The following NLGN1 variants were observed in gnomAD, a reference collection of about 807,000 sequenced individuals.
The protein encoded by NLGN1 is neuroligin-1.
In NLGN1, 12 loss-of-function variants were observed where a neutral mutation model predicts 65.5. The ratio of observed to expected loss-of-function variants is 0.18; its 90% CI spans 0.12 to 0.30. NLGN1 has a LOEUF of 0.30. NLGN1 is among the 10% of genes least tolerant of loss of function. The pLI is 1.00. For synonymous variants in NLGN1, 350 were observed against 359.5 expected (o/e 0.97, Z 0.30); for missense variants, 750 against 1,007.1 (o/e 0.74, Z 3.46).
intron 3 of NLGN1, 62 bp from the exon 3 acceptor site, chr3:173,605,472 C>T (rs1751245767): frequency 1.2e-6 from 1 of 851,742 alleles, no homozygotes; most frequent in Non-Finnish European, 1.7e-6. Context: ...AGTGGTGTTG[C>T]ATGTTCCGGC....
chr3:174,251,306 A>T (rs1282940433), intron 4 of NLGN1, among the ~76,000 whole-genome samples: 5 of 152,212 alleles, frequency 3.3e-5, no homozygotes, highest in Non-Finnish European at 7.3e-5. Flanking sequence ...TAGGAAAAAA[A>T]GTCTAAGCCT....
chr3:173,923,381 A>G (rs896614976), intron 4 of NLGN1, among the ~76,000 whole-genome samples: 3 of 152,164 alleles, frequency 2.0e-5, no homozygotes, highest in African/African-American at 7.2e-5. Flanking sequence ...GAATGGTCAT[A>G]CATACCCCAC....
intron 3 of NLGN1, among the ~76,000 whole-genome samples, chr3:173,753,114 A>G (rs1776543324): frequency 6.6e-6 from 1 of 152,126 alleles, no homozygotes; most frequent in Non-Finnish European, 1.5e-5. Context: ...TGAACATGCT[A>G]CAGGTCTCAA....
intron 4 of NLGN1, among the ~76,000 whole-genome samples, chr3:174,227,225 G>A (rs970435173): frequency 3.9e-5 from 6 of 152,050 alleles, no homozygotes; most frequent in Admixed American, 3.9e-4. Context: ...AACATCTACG[G>A]CAACTTTAAA....
chr3:173,454,700 C>G (rs1722223734), intron 2 of NLGN1, among the ~76,000 whole-genome samples: 1 of 152,186 alleles, frequency 6.6e-6, no homozygotes, highest in South Asian at 2.1e-4. Context: ...CTGGATTAGG[C>G]TTTAGCTTGA....
chr3:174,069,974 G>A (rs536276792), intron 4 of NLGN1, among the ~76,000 whole-genome samples: 1 of 152,280 alleles, frequency 6.6e-6, no homozygotes, highest in African/African-American at 2.4e-5. Context: ...TAGTTTGATT[G>A]TAAGGATTAA....
At chr3:174,039,904 C>T (rs1731918676) in intron 4 of NLGN1, among the ~76,000 whole-genome samples, 1 of 152,104 alleles carries the variant, frequency 6.6e-6, no homozygotes, top group Non-Finnish European at 1.5e-5. Context: ...TTTCGTGTTG[C>T]AGCAGTGGTA....
At position 173,917,871 on chromosome 3, in the gene NLGN1, T is replaced by G. The variant is rs901192516; in HGVS notation, c.646+110039T>G. Among the ~76,000 whole-genome samples the G allele has an allele frequency of 1.1e-4, 11 of 98,214 alleles. No homozygotes were observed. The East Asian group carries it at 3.7e-3, about 33-fold the overall frequency. The allele number at this position is 98,214 out of a possible 152,430, so 64.4% of individuals were successfully genotyped here. ...TGTGTGTGTGTGTGTGTGTGTGTGT[T>G]GGCCTTTATCTGGATTTATTGTTGA... On this transcript the variant is annotated intron_variant, in intron 4 of 6. Coordinates refer to ENST00000457714, the Ensembl canonical transcript of NLGN1.
chr3:173,597,422 C>T (rs959486607), intron 2 of NLGN1, among the ~76,000 whole-genome samples: 9 of 152,166 alleles, frequency 5.9e-5, no homozygotes, highest in African/African-American at 2.2e-4. Flanking sequence ...GGGTGACCTA[C>T]AATAGTAGCT....
intron 2 of NLGN1, among the ~76,000 whole-genome samples, chr3:173,557,761 C>G (rs1741951894): frequency 1.3e-5 from 2 of 152,010 alleles, no homozygotes; most frequent in African/African-American, 2.4e-5. Flanking sequence ...CCCCATGATG[C>G]TTTGTTATTG....
At chr3:174,272,704 TAGATATAGATAG>T (rs1561445504) in intron 4 of NLGN1, among the ~76,000 whole-genome samples, 4 of 150,452 alleles carry the variant, frequency 2.7e-5, no homozygotes, top group Admixed American at 6.7e-5. Flanking sequence ...GATAGATAGA[TAGATATAGATAG>T]ATAGAAAGAT....
chr3:174,092,881 C>T (rs1744787320), intron 4 of NLGN1, among the ~76,000 whole-genome samples: 2 of 152,100 alleles, frequency 1.3e-5, no homozygotes, highest in African/African-American at 4.8e-5. Context: ...TCTCTGTCTC[C>T]CTTTCCCCCA....
At chr3:173,596,654 G>A (rs978359653) in intron 2 of NLGN1, among the ~76,000 whole-genome samples, 1 of 31,560 alleles carries the variant, frequency 3.2e-5, no homozygotes, top group Non-Finnish European at 7.4e-5. Context: ...GATGCTCATG[G>A]CAGAGTAAAC....
intron 2 of NLGN1, among the ~76,000 whole-genome samples, chr3:173,540,438 A>G (rs1738658398): frequency 6.6e-6 from 1 of 152,184 alleles, no homozygotes; most frequent in Non-Finnish European, 1.5e-5. Flanking sequence ...GAGGCCCACT[A>G]TGTGTTTTGC....
intron 2 of NLGN1, among the ~76,000 whole-genome samples, chr3:173,505,224 C>A (rs1731812894): frequency 6.6e-6 from 1 of 152,036 alleles, no homozygotes; most frequent in Non-Finnish European, 1.5e-5. Context: ...AATTTATGAA[C>A]ACCTCCTTGA....
At chr3:174,197,303 C>T (rs1733598916) in intron 4 of NLGN1, among the ~76,000 whole-genome samples, 2 of 151,786 alleles carry the variant, frequency 1.3e-5, no homozygotes, top group African/African-American at 4.8e-5. Context: ...CACAGAATTA[C>T]AGGAAGGCTA....
intron 4 of NLGN1, among the ~76,000 whole-genome samples, chr3:173,859,860 G>A (rs1006960765): frequency 2.0e-5 from 3 of 151,748 alleles, no homozygotes; most frequent in African/African-American, 4.8e-5. Context: ...TTAAAAGTTT[G>A]GGTATAAAGT....
chr3:174,150,315 A>G lies in NLGN1; in HGVS notation c.647-125000A>G, dbSNP rs146587909. Among the ~76,000 whole-genome samples, 927 of 152,260 alleles carry G rather than the reference A, an allele frequency of 6.1e-3. 27 individuals carry two copies. Among genetic ancestry groups the G allele is most frequent in the East Asian group, 0.033 (172 of 5,184 alleles). On this transcript the variant is annotated intron_variant, in intron 4 of 6. Coordinates refer to ENST00000457714, the Ensembl canonical transcript of NLGN1. The stretch of plus-strand genomic sequence containing the variant: ...TAATGTATTTCAGAAAAGTTGTTAC[A>G]AAACCACAAATATTTCTAGTGCAGG...
intron 4 of NLGN1, among the ~76,000 whole-genome samples, chr3:174,193,789 T>C (rs1732833959): frequency 6.6e-6 from 1 of 152,232 alleles, no homozygotes; most frequent in Non-Finnish European, 1.5e-5. Flanking sequence ...TAAGATTACA[T>C]TTTTAAGGCT....
Sources: gnomAD v4.1 joint callset for allele counts (sites outside exome capture counted in the v4.1 genomes callset) on GRCh38, gnomAD v4.1.1 for gene constraint, MANE v1.5 for transcripts, NCBI Gene and HGNC (gene_info 2026-07-23, HGNC 2026-07-21) for gene names.